PAPPA2: variants seen among roughly 807,000 people sequenced by gnomAD.
PAPPA2 encodes the protein pappalysin-2.
PAPPA2 carries 86 observed loss-of-function variants against 176.4 expected under a neutral mutation model. The observed-to-expected ratio is 0.49, with a 90% CI of 0.41 to 0.58. The LOEUF is 0.58. Among genes scored for constraint, PAPPA2 ranks in the 20% least tolerant of loss-of-function variants. The pLI, the probability that PAPPA2 is intolerant of heterozygous loss-of-function variation, is 0.00. For synonymous variants in PAPPA2, 809 were observed against 852.2 expected (o/e 0.95, Z 0.88); for missense variants, 2,073 against 2,256.9 (o/e 0.92, Z 1.65).
intron 2 of PAPPA2, among the ~76,000 whole-genome samples, chr1:176,579,640 C>G (rs565013487): frequency 1.3e-5 from 2 of 152,034 alleles, no homozygotes. Flanking sequence ...TCTTCTTGCC[C>G]CAAAATAACA....
chr1:176,772,165 T>C (rs1010310999), intron 17 of PAPPA2, among the ~76,000 whole-genome samples: 1 of 152,178 alleles, frequency 6.6e-6, no homozygotes, highest in Non-Finnish European at 1.5e-5. Flanking sequence ...GAAAAGAAAC[T>C]TTTTCTGAGT....
chr1:176,649,599 T>C (rs1424961938), intron 3 of PAPPA2, among the ~76,000 whole-genome samples: 1 of 151,516 alleles, frequency 6.6e-6, no homozygotes, highest in Non-Finnish European at 1.5e-5. Flanking sequence ...GTATGTTGTA[T>C]TTCCATTTTC....
intron 12 of PAPPA2, among the ~76,000 whole-genome samples, chr1:176,715,817 A>G (rs12137641): frequency 0.044 from 6,717 of 152,176 alleles, 177 homozygotes; most frequent in Non-Finnish European, 0.055. Flanking sequence ...CTCAAACCCT[A>G]CAATCATTAG....
chr1:176,653,334 C>G (rs1348530048), intron 3 of PAPPA2, among the ~76,000 whole-genome samples: 1 of 151,676 alleles, frequency 6.6e-6, no homozygotes, highest in Non-Finnish European at 1.5e-5. Flanking sequence ...TGTAATGACA[C>G]CAACCCTCAA....
intron 3 of PAPPA2, among the ~76,000 whole-genome samples, chr1:176,622,592 A>G (rs1333019280): frequency 2.0e-5 from 3 of 152,168 alleles, no homozygotes; most frequent in African/African-American, 7.2e-5. Context: ...TCTTGAAGCA[A>G]ATGCCATTTC....
chr1:176,541,678 G>T (rs1391326631), intron 1 of PAPPA2, among the ~76,000 whole-genome samples: 1 of 152,096 alleles, frequency 6.6e-6, no homozygotes, highest in Non-Finnish European at 1.5e-5. Context: ...TTCCATTTTT[G>T]ATATAAACAC....
At chr1:176,632,489 A>T (rs1235640241) in intron 3 of PAPPA2, among the ~76,000 whole-genome samples, 3 of 152,088 alleles carry the variant, frequency 2.0e-5, no homozygotes, top group Non-Finnish European at 2.9e-5. Context: ...AGATCGCGCC[A>T]CTGCACTCCA....
rs866010097 is a variant in PAPPA2 at position 176,771,050 on chromosome 1, C to T, written c.4585C>T (p.Pro1529Ser). The T allele has an allele frequency of 1.9e-6, 3 of 1,613,966 alleles. No homozygotes were observed. The Admixed American group carries it at 5.0e-5, about 27-fold the overall frequency. ...CTGCAAGTTGGAGTGTGATGCTCCC[C>T]CTATTATTCTGAATGCCAACTTGCT... ...VYCKLECDAPPIILNANLLLP... is the reference protein window; with the variant it reads ...VYCKLECDAPSIILNANLLLP... The change falls in exon 17 of 23, where the codon CCT becomes TCT. Residue 1529 changes from proline to serine, a missense_variant. Transcript: ENST00000367662.
chr1:176,524,943 G>A (rs1448502778), intron 1 of PAPPA2, among the ~76,000 whole-genome samples: 3 of 152,194 alleles, frequency 2.0e-5, no homozygotes, highest in Non-Finnish European at 4.4e-5. Context: ...TCGGGAGGCT[G>A]AGACAGGAGA....
chr1:176,477,061 AGC>A (rs1016934397), intron 1 of PAPPA2, among the ~76,000 whole-genome samples: 7 of 152,190 alleles, frequency 4.6e-5, no homozygotes, highest in Non-Finnish European at 1.5e-5. Context: ...CATCCCATTT[AGC>A]TTTTCAAGGG....
At chr1:176,656,615 T>C (rs1375983532) in intron 3 of PAPPA2, among the ~76,000 whole-genome samples, 1 of 151,912 alleles carries the variant, frequency 6.6e-6, no homozygotes, top group African/African-American at 2.4e-5. Flanking sequence ...TCTCAGCTAA[T>C]GGTAAAAACT....
chr1:176,788,279 G>A (rs1200850564), intron 17 of PAPPA2, among the ~76,000 whole-genome samples: 1 of 152,110 alleles, frequency 6.6e-6, no homozygotes, highest in Non-Finnish European at 1.5e-5. Flanking sequence ...CTGGCTTCTG[G>A]AAGCTTCCAA....
chr1:176,500,907 T>C (rs1318463865), intron 1 of PAPPA2, among the ~76,000 whole-genome samples: 4 of 152,086 alleles, frequency 2.6e-5, no homozygotes, highest in Non-Finnish European at 5.9e-5. Context: ...GCTAATAGCC[T>C]TAGCAAATTG....
At chr1:176,659,147 G>T (rs2102755420) in intron 3 of PAPPA2, among the ~76,000 whole-genome samples, 1 of 152,090 alleles carries the variant, frequency 6.6e-6, no homozygotes, top group East Asian at 1.9e-4. Flanking sequence ...TATATGACCT[G>T]TTGATTGAGG....
intron 3 of PAPPA2, among the ~76,000 whole-genome samples, chr1:176,630,428 A>T (rs1415311000): frequency 6.6e-6 from 1 of 152,232 alleles, no homozygotes; most frequent in Admixed American, 6.5e-5. Context: ...GAAAAGGCTG[A>T]TGATGGTGCC....
At chr1:176,664,862 G>A (rs1420761543) in intron 3 of PAPPA2, among the ~76,000 whole-genome samples, 1 of 152,162 alleles carries the variant, frequency 6.6e-6, no homozygotes, top group East Asian at 1.9e-4. Context: ...TATATTCCTG[G>A]TTGATGATGT....
At chr1:176,469,120 G>C in intron 1 of PAPPA2, among the ~76,000 whole-genome samples, 1 of 152,196 alleles carries the variant, frequency 6.6e-6, no homozygotes, top group South Asian at 2.1e-4. Flanking sequence ...AACGTGAAAG[G>C]AAGAGCATTG....
chr1:176,651,594 C>T (rs1400547828), intron 3 of PAPPA2, among the ~76,000 whole-genome samples: 1 of 151,518 alleles, frequency 6.6e-6, no homozygotes, highest in Non-Finnish European at 1.5e-5. Flanking sequence ...TCGGAGTAGA[C>T]TTATTTGGTT....
At chr1:176,797,571 C>G (rs896120064) in intron 20 of PAPPA2, among the ~76,000 whole-genome samples, 9 of 151,850 alleles carry the variant, frequency 5.9e-5, no homozygotes, top group African/African-American at 2.2e-4. Flanking sequence ...CACTTGAGCC[C>G]GAGAGATTGA....
Sources: gnomAD v4.1 joint callset for allele counts (sites outside exome capture counted in the v4.1 genomes callset) on GRCh38, gnomAD v4.1.1 for gene constraint, MANE v1.5 for transcripts, NCBI Gene and HGNC (gene_info 2026-07-23, HGNC 2026-07-21) for gene names.